The following TNFSF11 variants were observed in gnomAD, a reference collection of about 807,000 sequenced individuals.
TNFSF11 encodes the protein TNF superfamily member 11.
In TNFSF11, 12 loss-of-function variants were observed where a neutral mutation model predicts 32.2. The ratio of observed to expected loss-of-function variants is 0.37; its 90% CI spans 0.24 to 0.60. TNFSF11 has a LOEUF of 0.60. TNFSF11 is among the 20% of genes least tolerant of loss of function. TNFSF11 has a pLI of 0.66. For missense variants in TNFSF11, 345 were observed against 398.0 expected, an observed-to-expected ratio of 0.87 and a Z score of 1.13; for synonymous variants, 172 against 152.1, an observed-to-expected ratio of 1.13 and a Z score of -0.96.
chr13:42,587,916 A>G (rs1003651384), intron 2 of TNFSF11, among the ~76,000 whole-genome samples: 2 of 152,136 alleles, frequency 1.3e-5, no homozygotes, highest in African/African-American at 4.8e-5. Context: ...ATATGCCACT[A>G]TTTCTCATTT....
At chr13:42,585,484 C>A (rs558004585) in intron 2 of TNFSF11, among the ~76,000 whole-genome samples, 65 of 152,260 alleles carry the variant, frequency 4.3e-4, no homozygotes, top group Non-Finnish European at 4.7e-4. Flanking sequence ...CTTCCCCCAC[C>A]CCCTTTAGCA....
At chr13:42,574,117 AGC>A (rs1873174472), upstream of TNFSF11, 14 of 680,790 alleles carry the variant, frequency 2.1e-5, 1 homozygote, top group South Asian at 2.7e-4. Flanking sequence ...GGGCTCTCCA[AGC>A]GGTTTATAAG....
In TNFSF11 at chr13:42,606,850, C is replaced by T. The variant is rs1450207753; in HGVS notation, c.886C>T (p.Pro296Ser). The stretch of plus-strand genomic sequence containing the variant: ...GGAAATCAGCATCGAGGTCTCCAAC[C>T]CCTCCTTACTGGATCCGGATCAGGA... ...GEEISIEVSN[P>S]SLLDPDQDAT... Residue 296 changes from proline (P) to serine (S), a missense_variant, in exon 5 of 5, where the codon CCC becomes TCC. Transcript: ENST00000398795. 1 of 1,613,936 alleles carries T rather than the reference C, an allele frequency of 6.2e-7. No homozygotes were observed. The highest frequency in any genetic ancestry group is 8.5e-7 in the Non-Finnish European group (1 of 1,180,006).
intron 2 of TNFSF11, among the ~76,000 whole-genome samples, chr13:42,586,510 C>A (rs543946361): frequency 7.3e-4 from 111 of 152,166 alleles, no homozygotes; most frequent in Non-Finnish European, 4.4e-5. Flanking sequence ...TAGAAGTTAC[C>A]CCCAGCTGGC....
chr13:42,602,975 T>C (rs748530001), intron 4 of TNFSF11, among the ~76,000 whole-genome samples: 23 of 152,230 alleles, frequency 1.5e-4, no homozygotes, highest in Non-Finnish European at 3.2e-4. Flanking sequence ...CTGACAGTTA[T>C]TGAGTTTGTG....
At chr13:42,571,288 A>C (rs1594456280), upstream of TNFSF11, among the ~76,000 whole-genome samples, 1 of 152,238 alleles carries the variant, frequency 6.6e-6, no homozygotes, top group East Asian at 1.9e-4. Context: ...CGCTCCAGTT[A>C]GGTAGTATTT....
chr13:42,574,244 G>T lies in TNFSF11; in HGVS notation c.-60G>T. 6.5e-7 allele frequency: 1 copy of T among 1,537,992 alleles called. No homozygotes were observed. Among genetic ancestry groups the T allele is most frequent in the South Asian group, 1.2e-5 (1 of 83,468 alleles). On this transcript the variant is annotated 5_prime_UTR_variant, in exon 1 of 5. Coordinates refer to ENST00000398795, the MANE Select transcript of TNFSF11 (RefSeq NM_003701.4). ...GCCGCAGCCTCCGGAGTTGGCCGCAGACAAGAAGGGGAGGGAGCGGGAGAG... is the reference window on the plus strand; with the variant it reads ...GCCGCAGCCTCCGGAGTTGGCCGCATACAAGAAGGGGAGGGAGCGGGAGAG...
exon 1 of TNFSF11, chr13:42,562,744 A>C (rs943274878): frequency 2.0e-5 from 3 of 152,230 alleles, no homozygotes; most frequent in Admixed American, 2.0e-4. Context: ...GACTGAAAGC[A>C]AATGGTGTGG....
At position 42,581,402 on chromosome 13, in the gene TNFSF11, T is replaced by G. The variant is rs1343528464; in HGVS notation, c.387+109T>G. On this transcript the variant is annotated intron_variant, in intron 2 of 4. Transcript: ENST00000398795. ...ACTCTGCTCTTTTTATTCTAATAAT[T>G]TGTAAAAGAGCTACAGGGAATGCTT... The G allele has an allele frequency of 1.8e-5, 22 of 1,251,552 alleles. No individual in the cohort carries two copies. The Admixed American group carries it at 4.3e-4, about 25-fold the overall frequency. 77.5% of individuals were successfully genotyped at this position (1,251,552 alleles called of 1,614,324 possible).
chr13:42,580,655 G>T (rs1873557065), intron 1 of TNFSF11, among the ~76,000 whole-genome samples: 1 of 152,166 alleles, frequency 6.6e-6, no homozygotes, highest in Admixed American at 6.5e-5. Context: ...GGTGGTTAAA[G>T]ATGATGTTGA....
At chr13:42,569,097 G>T (rs879939658) in intron 2 of TNFSF11, among the ~76,000 whole-genome samples, 1 of 152,126 alleles carries the variant, frequency 6.6e-6, no homozygotes, top group Non-Finnish European at 1.5e-5. Context: ...CCTCCGCCAC[G>T]AAGGAATCCA....
At chr13:42,598,873 T>G (rs915539011) in intron 2 of TNFSF11, among the ~76,000 whole-genome samples, 1 of 152,074 alleles carries the variant, frequency 6.6e-6, no homozygotes, top group African/African-American at 2.4e-5. Context: ...GAGACAAAAC[T>G]AGGAAATTCC....
Position 42,574,484 on chromosome 13 carries a change from G to T in TNFSF11, c.181G>T (p.Val61Phe). ...CCTGGGGCTGGGGCTGGGCCAGGTTGTCTGCAGCGTCGCCCTGTTCTTCTA... is the reference window on the plus strand; with the variant it reads ...CCTGGGGCTGGGGCTGGGCCAGGTTTTCTGCAGCGTCGCCCTGTTCTTCTA... ...ALLGLGLGQV[V>F]CSVALFFYFR... Residue 61 changes from valine to phenylalanine, a missense_variant, in exon 1 of 5, where the codon GTC becomes TTC. Val to Phe is a conservative substitution (Grantham distance 50). Transcript: ENST00000398795. 8 of 1,609,252 alleles carry T rather than the reference G, an allele frequency of 5.0e-6. No individual in the cohort carries two copies. The highest frequency in any genetic ancestry group is 5.9e-6 in the Non-Finnish European group (7 of 1,179,846).
At chr13:42,596,972 C>T (rs1302055834) in intron 2 of TNFSF11, among the ~76,000 whole-genome samples, 1 of 152,206 alleles carries the variant, frequency 6.6e-6, no homozygotes, top group African/African-American at 2.4e-5. Context: ...GCTGCGCAGC[C>T]AGGTCCCTCA....
chr13:42,595,569 C>T (rs1181918087), intron 2 of TNFSF11, among the ~76,000 whole-genome samples: 2 of 152,220 alleles, frequency 1.3e-5, no homozygotes, highest in Non-Finnish European at 2.9e-5. Context: ...GTAACTGTTT[C>T]TGGCTTCTGC....
intron 2 of TNFSF11, among the ~76,000 whole-genome samples, chr13:42,583,296 C>T (rs780276177): frequency 1.4e-4 from 21 of 150,824 alleles, no homozygotes; most frequent in Middle Eastern, 3.4e-3. Context: ...GCTGTAGTTC[C>T]AACTGCTCAG....
chr13:42,593,576 T>G (rs1033202491), intron 2 of TNFSF11, among the ~76,000 whole-genome samples: 2 of 152,228 alleles, frequency 1.3e-5, no homozygotes, highest in Non-Finnish European at 2.9e-5. Context: ...GCAGGACTTC[T>G]CTGCAGGAAT....
intron 2 of TNFSF11, among the ~76,000 whole-genome samples, chr13:42,599,303 C>CTCTATCTA (rs140280017): frequency 1.8e-3 from 253 of 142,862 alleles, no homozygotes; most frequent in Non-Finnish European, 2.6e-3. Flanking sequence ...ATGTTATTGC[C>CTCTATCTA]TCTATCTATC....
chr13:42,603,235 C>T (rs961678601), intron 4 of TNFSF11, among the ~76,000 whole-genome samples: 2 of 152,098 alleles, frequency 1.3e-5, no homozygotes, highest in African/African-American at 4.8e-5. Context: ...AGATGAAATG[C>T]GTTGGGAAGT....
Sources: gnomAD v4.1 joint callset for allele counts (sites outside exome capture counted in the v4.1 genomes callset) on GRCh38, gnomAD v4.1.1 for gene constraint, MANE v1.5 for transcripts, NCBI Gene and HGNC (gene_info 2026-07-23, HGNC 2026-07-21) for gene names.